Variants in HS6ST3 observed in about 807,000 individuals in gnomAD.
HS6ST3 encodes heparan-sulfate 6-O-sulfotransferase 3.
In HS6ST3, 12 loss-of-function variants were observed where a neutral mutation model predicts 36.7. That is an observed-to-expected ratio of 0.33 (90% CI 0.21 to 0.53). HS6ST3 has a LOEUF of 0.53. Ranked by LOEUF, HS6ST3 falls within the 20% of genes least tolerant of loss-of-function variation. HS6ST3 has a pLI of 0.95. For synonymous variants in HS6ST3, 240 were observed against 257.5 expected, an observed-to-expected ratio of 0.93 and a Z score of 0.65; for missense variants, 584 against 640.9, an observed-to-expected ratio of 0.91 and a Z score of 0.96.
chr13:96,254,415 GAAAAAA>G (rs1174704709), intron 1 of HS6ST3, among the ~76,000 whole-genome samples: 295 of 21,482 alleles, frequency 0.014, 3 homozygotes, highest in Middle Eastern at 0.056. Flanking sequence ...CTCTGTCTCA[GAAAAAA>G]AAAAAAAAAA....
At chr13:96,583,467 C>T (rs1019598051) in intron 1 of HS6ST3, among the ~76,000 whole-genome samples, 9 of 151,920 alleles carry the variant, frequency 5.9e-5, no homozygotes, top group Non-Finnish European at 1.2e-4. Context: ...CCACCTCGAC[C>T]TCCCAAAGTG....
intron 1 of HS6ST3, among the ~76,000 whole-genome samples, chr13:96,146,512 G>C (rs371508221): frequency 6.6e-6 from 1 of 151,930 alleles, no homozygotes; most frequent in East Asian, 1.9e-4. Flanking sequence ...TTTTAAAAAA[G>C]AATATTTGAA....
intron 1 of HS6ST3, among the ~76,000 whole-genome samples, chr13:96,173,447 A>G (rs1227379248): frequency 1.3e-5 from 2 of 152,138 alleles, no homozygotes; most frequent in Non-Finnish European, 2.9e-5. Context: ...GCATCTGAGA[A>G]TTTCTACCAT....
chr13:96,592,626 TTTTA>T (rs747560248), intron 1 of HS6ST3, among the ~76,000 whole-genome samples: 12 of 152,144 alleles, frequency 7.9e-5, no homozygotes, highest in African/African-American at 2.4e-4. Context: ...TTCCTCAGCA[TTTTA>T]TTTATTTATT....
chr13:96,145,117 TGTGC>T lies in HS6ST3; in HGVS notation c.707+53549_707+53552del, dbSNP rs2054050976. Among the ~76,000 whole-genome samples, 6 of 117,668 alleles carry T rather than the reference TGTGC, an allele frequency of 5.1e-5. No homozygotes were observed. The East Asian group carries it at 1.4e-3, about 27-fold the overall frequency. The allele number at this position is 117,668 out of a possible 152,430, so 77.2% of individuals were successfully genotyped here. ...GTGCCGCAGTAAACATACGTGTGCGTGTGCATGTGTCTTTATAGCAGCATGATTT... is the reference window on the plus strand; with the variant it reads ...GTGCCGCAGTAAACATACGTGTGCGTATGTGTCTTTATAGCAGCATGATTT... On this transcript the variant is annotated intron_variant, in intron 1 of 1. Coordinates refer to ENST00000376705, the MANE Select transcript of HS6ST3 (RefSeq NM_153456.4).
chr13:96,157,696 GA>G lies in HS6ST3; in HGVS notation c.707+66134del, dbSNP rs368527310. ...TTTGTGAAAACACTTATTTCAGGAA[GA>G]AAAAAATAATGTCATATTAATCACC... On this transcript the variant is annotated intron_variant, in intron 1 of 1. Coordinates refer to ENST00000376705, the MANE Select transcript of HS6ST3 (RefSeq NM_153456.4). 7.8e-4 allele frequency among the ~76,000 whole-genome samples: 118 copies of G among 152,242 alleles called. 3 individuals carry two copies. The South Asian group carries it at 0.023, about 30-fold the overall frequency.
chr13:96,209,294 A>C (rs996136232), intron 1 of HS6ST3, among the ~76,000 whole-genome samples: 1 of 152,206 alleles, frequency 6.6e-6, no homozygotes, highest in Non-Finnish European at 1.5e-5. Flanking sequence ...CTCAACTCCT[A>C]CACCAGTGCT....
intron 1 of HS6ST3, among the ~76,000 whole-genome samples, chr13:96,352,022 A>G (rs1470842368): frequency 6.6e-6 from 1 of 152,212 alleles, no homozygotes; most frequent in African/African-American, 2.4e-5. Context: ...TAAAGTATCT[A>G]CTAATTTTAA....
intron 1 of HS6ST3, among the ~76,000 whole-genome samples, chr13:96,367,266 A>T (rs1364178859): frequency 2.0e-5 from 3 of 152,230 alleles, no homozygotes; most frequent in Admixed American, 6.5e-5. Context: ...AACTTTAAGT[A>T]ACCCTGAAAT....
intron 1 of HS6ST3, among the ~76,000 whole-genome samples, chr13:96,399,228 CAAAAT>C (rs1254585342): frequency 6.6e-6 from 1 of 152,138 alleles, no homozygotes; most frequent in East Asian, 1.9e-4. Context: ...TTAATTAGAG[CAAAAT>C]AAAATCTAGT....
At chr13:96,322,693 T>TACA (rs1313227191) in intron 1 of HS6ST3, among the ~76,000 whole-genome samples, 4 of 152,246 alleles carry the variant, frequency 2.6e-5, no homozygotes, top group Non-Finnish European at 4.4e-5. Flanking sequence ...TTAACCACTT[T>TACA]ACAGCGAAAC....
intron 1 of HS6ST3, among the ~76,000 whole-genome samples, chr13:96,738,052 G>A (rs1876331696): frequency 6.6e-6 from 1 of 152,110 alleles, no homozygotes; most frequent in Non-Finnish European, 1.5e-5. Flanking sequence ...GGCCCTGTAA[G>A]GTAATATAGT....
At chr13:96,823,190 G>A (rs774439709) in intron 1 of HS6ST3, among the ~76,000 whole-genome samples, 10 of 152,120 alleles carry the variant, frequency 6.6e-5, no homozygotes, top group Non-Finnish European at 1.5e-4. Flanking sequence ...GATACTATTG[G>A]CAAAAACCAT....
intron 1 of HS6ST3, among the ~76,000 whole-genome samples, chr13:96,805,271 T>C (rs957201308): frequency 6.6e-6 from 1 of 152,140 alleles, no homozygotes; most frequent in South Asian, 2.1e-4. Flanking sequence ...GTTCTTGTGA[T>C]AGTGAGTTGC....
At chr13:96,487,647 T>C (rs1473385216) in intron 1 of HS6ST3, among the ~76,000 whole-genome samples, 1 of 152,132 alleles carries the variant, frequency 6.6e-6, no homozygotes, top group African/African-American at 2.4e-5. Flanking sequence ...ACAAAGGCCA[T>C]GTTTGGTATC....
chr13:96,114,695 C>T (rs1434894641), intron 1 of HS6ST3, among the ~76,000 whole-genome samples: 1 of 152,082 alleles, frequency 6.6e-6, no homozygotes, highest in Non-Finnish European at 1.5e-5. Flanking sequence ...AGGCCCTGTG[C>T]CAGTATTAGC....
rs575227346 is a variant in HS6ST3 at position 96,340,149 on chromosome 13, A to G, written c.707+248580A>G. ...TGGAAATAGTTTATCTTTTAGCCAC[A>G]TGTTGCTGAATCATAGGAAACTCTA... is the stretch of plus-strand genomic sequence containing the variant. On this transcript the variant is annotated intron_variant, in intron 1 of 1. Coordinates refer to ENST00000376705, the MANE Select transcript of HS6ST3 (RefSeq NM_153456.4). Among the ~76,000 whole-genome samples the G allele has an allele frequency of 1.3e-3, 192 of 152,218 alleles. 2 individuals are homozygous for G. Among genetic ancestry groups the G allele is most frequent in the Non-Finnish European group, 2.0e-3 (137 of 68,040 alleles).
At chr13:96,567,766 T>A (rs2056286872) in intron 1 of HS6ST3, among the ~76,000 whole-genome samples, 1 of 152,168 alleles carries the variant, frequency 6.6e-6, no homozygotes, top group Non-Finnish European at 1.5e-5. Flanking sequence ...ACTTATAAAG[T>A]CAATATGAAA....
intron 1 of HS6ST3, among the ~76,000 whole-genome samples, chr13:96,426,410 G>A (rs1000735896): frequency 2.6e-5 from 4 of 152,128 alleles, no homozygotes; most frequent in Non-Finnish European, 5.9e-5. Context: ...AAACAGAATG[G>A]TTTCCAAATA....
Sources: gnomAD v4.1 joint callset for allele counts (sites outside exome capture counted in the v4.1 genomes callset) on GRCh38, gnomAD v4.1.1 for gene constraint, MANE v1.5 for transcripts, NCBI Gene and HGNC (gene_info 2026-07-23, HGNC 2026-07-21) for gene names.